Variants in TPH2 observed in about 807,000 individuals in gnomAD.
TPH2 encodes the protein tryptophan 5-hydroxylase 2.
TPH2 carries 27 observed loss-of-function variants against 59.1 expected under a neutral mutation model. The ratio of observed to expected loss-of-function variants is 0.46; its 90% confidence interval spans 0.34 to 0.63. The LOEUF is 0.63. Among genes scored for constraint, TPH2 ranks in the 30% least tolerant of loss-of-function variants. The probability of loss-of-function intolerance (pLI) is 0.01; values close to 1 mark genes in which losing one functional copy is unlikely to be tolerated. For synonymous variants in TPH2, 220 were observed against 210.5 expected, an observed-to-expected ratio of 1.05 and a Z score of -0.39; for missense variants, 523 against 588.3, an observed-to-expected ratio of 0.89 and a Z score of 1.15.
chr12:71,947,721 C>T (rs1871232839), intron 4 of TPH2, among the ~76,000 whole-genome samples: 1 of 152,054 alleles, frequency 6.6e-6, no homozygotes, highest in South Asian at 2.1e-4. Flanking sequence ...GTTTACTTTG[C>T]CAGTCCATGG....
intron 8 of TPH2, among the ~76,000 whole-genome samples, chr12:72,013,880 T>C (rs1873166052): frequency 6.6e-6 from 1 of 152,068 alleles, no homozygotes; most frequent in Non-Finnish European, 1.5e-5. Context: ...TTTTACACTC[T>C]AGCTGGGGTA....
At position 72,031,645 on chromosome 12, in the gene TPH2, A is replaced by G. The variant is rs1326282956; in HGVS notation, c.1423A>G (p.Asn475Asp). Residue 475 changes from asparagine to aspartate, a missense_variant, in exon 11 of 11, where the codon AAT becomes GAT. By Grantham distance (23) the Asn-to-Asp change is conservative. Coordinates refer to ENST00000333850, the MANE Select transcript of TPH2 (RefSeq NM_173353.4). ...GGTGCAGGACCTTCGCAGCGACTTG[A>G]ATACAGTGTGTGATGCTTTAAACAA... ...NVVQDLRSDL[N>D]TVCDALNKMN... The G allele has an allele frequency of 6.2e-7, 1 of 1,613,664 alleles. No individual in the cohort carries two copies. The highest frequency in any genetic ancestry group is 1.7e-5 in the Admixed American group (1 of 59,998).
At chr12:71,950,358 T>C (rs1400514226) in intron 5 of TPH2, among the ~76,000 whole-genome samples, 1 of 151,714 alleles carries the variant, frequency 6.6e-6, no homozygotes, top group African/African-American at 2.4e-5. Context: ...GAGATAAGGG[T>C]GGGGCCATTT....
At chr12:71,983,076 A>T (rs1872330287) in intron 7 of TPH2, among the ~76,000 whole-genome samples, 7 of 152,204 alleles carry the variant, frequency 4.6e-5, no homozygotes, top group Admixed American at 4.6e-4. Flanking sequence ...AATAAAAAAA[A>T]AAAAGTGATG....
intron 8 of TPH2, among the ~76,000 whole-genome samples, chr12:71,996,337 G>A (rs772461885): frequency 2.1e-4 from 32 of 152,294 alleles, no homozygotes; most frequent in East Asian, 7.7e-4. Context: ...GCCATATTCC[G>A]TTCATTAGAA....
At chr12:72,021,521 G>A (rs1194089082) in intron 8 of TPH2, among the ~76,000 whole-genome samples, 2 of 151,896 alleles carry the variant, frequency 1.3e-5, no homozygotes, top group Non-Finnish European at 2.9e-5. Context: ...TTCAAATTTG[G>A]AATTTCGATC....
At chr12:71,993,858 C>A (rs1872633842) in intron 7 of TPH2, among the ~76,000 whole-genome samples, 1 of 152,214 alleles carries the variant, frequency 6.6e-6, no homozygotes, top group Admixed American at 6.5e-5. Context: ...GTCTTCCTCA[C>A]TATCTATAGC....
At chr12:71,948,164 TTTA>T (rs35367496) in intron 4 of TPH2, among the ~76,000 whole-genome samples, 3 of 151,574 alleles carry the variant, frequency 2.0e-5, no homozygotes, top group Admixed American at 6.6e-5. Flanking sequence ...TTTATTTTAT[TTTA>T]TTATTATTAT....
At chr12:71,962,673 C>A in intron 5 of TPH2, 2 of 984,916 alleles carry the variant, frequency 2.0e-6, no homozygotes, top group Non-Finnish European at 2.4e-6. Flanking sequence ...CTGTGTTTTG[C>A]TTTAGGCTGA....
chr12:71,975,842 G>A (rs1274228723), intron 6 of TPH2, among the ~76,000 whole-genome samples: 1 of 152,200 alleles, frequency 6.6e-6, no homozygotes, highest in East Asian at 1.9e-4. Flanking sequence ...TTGTTAACTA[G>A]ACTGTATTCT....
In TPH2 at chr12:71,963,680, G is replaced by A. The variant is rs1420868672; in HGVS notation, c.609-8839G>A. 6.2e-5 allele frequency among the ~76,000 whole-genome samples: 3 copies of A among 48,422 alleles called. 1 individual carries two copies. The highest frequency in any genetic ancestry group is 1.8e-4 in the African/African-American group (3 of 16,976). The allele number at this position is 48,422 out of a possible 152,430, so 31.8% of individuals were successfully genotyped here. A position where few individuals can be genotyped will look rare whatever the true frequency, so the allele number is the denominator to read the frequency against. Reference sequence around the variant, plus strand: ...AAAAATTAGCCAGGTGTGGTGGCACGCGCCTATAGTCCCAGCTACTCAGGA... The same window carrying A: ...AAAAATTAGCCAGGTGTGGTGGCACACGCCTATAGTCCCAGCTACTCAGGA... On this transcript the variant is annotated intron_variant, in intron 5 of 10. Transcript: ENST00000333850.
intron 8 of TPH2, among the ~76,000 whole-genome samples, chr12:71,995,481 C>T (rs567880225): frequency 1.3e-5 from 2 of 152,206 alleles, no homozygotes; most frequent in Admixed American, 1.3e-4. Context: ...TCATTTCCAC[C>T]CAGAAATAAG....
At chr12:71,979,144 T>C in intron 7 of TPH2, 57 bp downstream of exon 7, 1 of 1,611,332 alleles carries the variant, frequency 6.2e-7, no homozygotes, top group South Asian at 1.1e-5. Flanking sequence ...AATGATCCCT[T>C]TACTTGAAAA....
intron 8 of TPH2, among the ~76,000 whole-genome samples, chr12:72,011,742 C>A (rs1021805186): frequency 6.6e-6 from 1 of 152,168 alleles, no homozygotes; most frequent in Non-Finnish European, 1.5e-5. Flanking sequence ...CACTTAACTA[C>A]AAAACTGCTG....
intron 5 of TPH2, chr12:71,964,629 A>G (rs977171479): frequency 1.5e-5 from 15 of 985,230 alleles, no homozygotes; most frequent in Non-Finnish European, 1.8e-5. Context: ...GGTACCAACT[A>G]ATATAGTACT....
intron 7 of TPH2, among the ~76,000 whole-genome samples, chr12:71,981,239 G>C (rs1310656418): frequency 6.6e-6 from 1 of 152,232 alleles, no homozygotes; most frequent in Non-Finnish European, 1.5e-5. Context: ...AGGCTTGTTA[G>C]ACCAGAATAG....
intron 9 of TPH2, among the ~76,000 whole-genome samples, chr12:72,026,449 A>C (rs891777475): frequency 1.3e-5 from 2 of 152,196 alleles, no homozygotes; most frequent in African/African-American, 4.8e-5. Flanking sequence ...TGTATTTATT[A>C]CCACTTGCAG....
rs376240384 is a variant in TPH2 at position 71,972,512 on chromosome 12, T to C, written c.609-7T>C. ...TAGATTCATTTAGTTTCTTCTCTCC[T>C]GCCTAGTGGTCAGCCCATTCCCAGG... On this transcript the variant is annotated splice_region_variant and splice_polypyrimidine_tract_variant and intron_variant, in intron 5 of 10. Transcript: ENST00000333850. 43 of 1,613,986 alleles carry C rather than the reference T, an allele frequency of 2.7e-5. No homozygotes were observed. Among genetic ancestry groups the C allele is most frequent in the Non-Finnish European group, 3.3e-5 (39 of 1,179,926 alleles).
In TPH2 at chr12:71,997,765, G is replaced by A. The variant is rs544736173; in HGVS notation, c.1068+3200G>A. Among the ~76,000 whole-genome samples the A allele has an allele frequency of 8.4e-4, 127 of 151,902 alleles. 4 individuals carry two copies. The East Asian group carries it at 0.014, about 17-fold the overall frequency. On this transcript the variant is annotated intron_variant, in intron 8 of 10. Coordinates refer to ENST00000333850, the MANE Select transcript of TPH2 (RefSeq NM_173353.4). ...AGGTACCATGAGGTAGGGACAGGGGGAAAAAAAGAGGTGGTAGTTTCTTCA... is the reference window on the plus strand; with the variant it reads ...AGGTACCATGAGGTAGGGACAGGGGAAAAAAAAGAGGTGGTAGTTTCTTCA...
Sources: gnomAD v4.1 joint callset for allele counts (sites outside exome capture counted in the v4.1 genomes callset) on GRCh38, gnomAD v4.1.1 for gene constraint, MANE v1.5 for transcripts, NCBI Gene and HGNC (gene_info 2026-07-23, HGNC 2026-07-21) for gene names.